Variants in PREX2 observed in about 807,000 individuals in gnomAD.
The protein encoded by PREX2 is phosphatidylinositol 3,4,5-trisphosphate-dependent Rac exchanger 2 protein.
Under a neutral mutation model 203.2 loss-of-function variants are expected in PREX2, and 107 were observed. The observed-to-expected ratio is 0.53, with a 90% confidence interval of 0.45 to 0.62. The LOEUF is 0.62. Ranked by LOEUF, PREX2 falls within the 20% of genes least tolerant of loss-of-function variation. The pLI, the probability that PREX2 is intolerant of heterozygous loss-of-function variation, is 0.00. For missense variants in PREX2, 1,777 were observed against 1,955.9 expected (o/e 0.91, Z 1.72); for synonymous variants, 672 against 663.6 (o/e 1.01, Z -0.19).
intron 23 of PREX2, 83 bp downstream of exon 23, chr8:68,099,926 C>T: frequency 8.0e-7 from 1 of 1,242,252 alleles, no homozygotes. Flanking sequence ...TTGATATTTT[C>T]TTTACATATT....
At chr8:68,075,886 A>G (rs1809334084) in intron 14 of PREX2, among the ~76,000 whole-genome samples, 1 of 152,094 alleles carries the variant, frequency 6.6e-6, no homozygotes, top group Admixed American at 6.5e-5. Flanking sequence ...ATAGACAGGT[A>G]GAATGTGAGT....
At chr8:68,210,841 G>A (rs1243591741) in intron 37 of PREX2, among the ~76,000 whole-genome samples, 1 of 152,158 alleles carries the variant, frequency 6.6e-6, no homozygotes, top group African/African-American at 2.4e-5. Context: ...TTATAGAAAT[G>A]TTGAGTCATC....
intron 33 of PREX2, among the ~76,000 whole-genome samples, chr8:68,145,328 T>G (rs1430012477): frequency 6.6e-6 from 1 of 152,122 alleles, no homozygotes; most frequent in Non-Finnish European, 1.5e-5. Flanking sequence ...CAGAATTAAA[T>G]AGATAGATTT....
intron 37 of PREX2, among the ~76,000 whole-genome samples, chr8:68,210,175 C>T (rs984189200): frequency 6.6e-6 from 1 of 151,882 alleles, no homozygotes; most frequent in Non-Finnish European, 1.5e-5. Context: ...ATGTTTAATC[C>T]CACCCTCGAT....
intron 7 of PREX2, among the ~76,000 whole-genome samples, chr8:68,040,700 G>A (rs1255128388): frequency 6.6e-6 from 1 of 152,032 alleles, no homozygotes; most frequent in Non-Finnish European, 1.5e-5. Context: ...TTCATTATTT[G>A]TTTGTTTACT....
chr8:68,167,452 G>C (rs1409119797), intron 35 of PREX2, among the ~76,000 whole-genome samples: 1 of 151,516 alleles, frequency 6.6e-6, no homozygotes, highest in African/African-American at 2.4e-5. Context: ...TCCTGTCCCA[G>C]CCTCCCCAGT....
chr8:68,130,328 C>A lies in PREX2; in HGVS notation c.3766+2909C>A, dbSNP rs571562767. Among the ~76,000 whole-genome samples, 6 of 151,826 alleles carry A rather than the reference C, an allele frequency of 4.0e-5. No individual in the cohort carries two copies. The South Asian group carries it at 1.0e-3, about 26-fold the overall frequency. On this transcript the variant is annotated intron_variant, in intron 31 of 39. Coordinates refer to ENST00000288368, the MANE Select transcript of PREX2 (RefSeq NM_024870.4). ...AAACGAAACAAAAACACACAAAAAA[C>A]CCAAAAATACCTTTGGTAAAGGATG...
chr8:68,217,392 C>A (rs1812864365), intron 37 of PREX2, among the ~76,000 whole-genome samples: 1 of 152,176 alleles, frequency 6.6e-6, no homozygotes, highest in Admixed American at 6.5e-5. Context: ...ATAAACAGTT[C>A]ATCATGGGAT....
intron 1 of PREX2, among the ~76,000 whole-genome samples, chr8:67,990,394 T>TAA (rs111707841): frequency 6.9e-6 from 1 of 145,166 alleles, no homozygotes; most frequent in Non-Finnish European, 1.5e-5. Flanking sequence ...CATGGGAGAT[T>TAA]AAAAAAAAAA....
At chr8:68,059,569 G>A (rs1257844680) in intron 10 of PREX2, among the ~76,000 whole-genome samples, 1 of 152,164 alleles carries the variant, frequency 6.6e-6, no homozygotes, top group Non-Finnish European at 1.5e-5. Context: ...ATGTCTTTTG[G>A]TGTACAGTAG....
At chr8:68,075,390 A>G (rs1809316815) in intron 14 of PREX2, among the ~76,000 whole-genome samples, 1 of 152,212 alleles carries the variant, frequency 6.6e-6, no homozygotes, top group African/African-American at 2.4e-5. Context: ...GCAGGAAGCA[A>G]TCATGATTTC....
chr8:68,090,323 T>C (rs2129612210), intron 19 of PREX2, among the ~76,000 whole-genome samples: 1 of 152,284 alleles, frequency 6.6e-6, no homozygotes, highest in Middle Eastern at 3.4e-3. Context: ...TGATTAGTAT[T>C]ATAAAGGTCA....
chr8:68,145,124 GA>G (rs1811300534), intron 33 of PREX2, among the ~76,000 whole-genome samples: 1 of 151,544 alleles, frequency 6.6e-6, no homozygotes, highest in Admixed American at 6.6e-5. Context: ...TTAGAAATCA[GA>G]AAAAAAAGAT....
chr8:68,114,917 G>T (rs570562925), intron 25 of PREX2, among the ~76,000 whole-genome samples: 251 of 152,156 alleles, frequency 1.6e-3, no homozygotes, highest in Non-Finnish European at 2.1e-3. Context: ...ATATGAGCCA[G>T]TGAGGACATG....
chr8:68,039,801 AACATCTCTCC>A (rs1432831497), intron 7 of PREX2, among the ~76,000 whole-genome samples: 5 of 152,184 alleles, frequency 3.3e-5, no homozygotes, highest in African/African-American at 1.2e-4. Context: ...AAAACTTACA[AACATCTCTCC>A]ACATCTCTCC....
At chr8:68,177,676 G>C (rs529932968) in intron 35 of PREX2, among the ~76,000 whole-genome samples, 1 of 152,262 alleles carries the variant, frequency 6.6e-6, no homozygotes, top group African/African-American at 2.4e-5. Context: ...AGGATATGCA[G>C]GTTTGTTACA....
chr8:68,026,854 C>G (rs531300248), intron 4 of PREX2, among the ~76,000 whole-genome samples: 1 of 152,046 alleles, frequency 6.6e-6, no homozygotes, highest in Non-Finnish European at 1.5e-5. Flanking sequence ...ACATAATATA[C>G]CTTTCTTTAT....
Position 68,083,358 on chromosome 8 carries a change from T to G in PREX2, c.1997T>G (p.Leu666Arg), listed in dbSNP as rs142318923. The change falls in exon 18 of 40, where the codon CTA becomes CGA. Residue 666 changes from leucine (L) to arginine (R), a missense_variant. Transcript: ENST00000288368. ...LKSCLNSRKP[L>R]RVLVSTKPRE... ...TCGTGTTTAAACAGCAGAAAACCTCTAAGAGTTCTTGTGAGCACAAAGCCA... is the reference window on the plus strand; with the variant it reads ...TCGTGTTTAAACAGCAGAAAACCTCGAAGAGTTCTTGTGAGCACAAAGCCA... 1 of 1,610,878 alleles carries G rather than the reference T, an allele frequency of 6.2e-7. No individual in the cohort carries two copies. The highest frequency in any genetic ancestry group is 1.3e-5 in the African/African-American group (1 of 74,914).
At chr8:68,156,612 G>A (rs1246187796) in intron 34 of PREX2, among the ~76,000 whole-genome samples, 1 of 152,100 alleles carries the variant, frequency 6.6e-6, no homozygotes, top group African/African-American at 2.4e-5. Flanking sequence ...TTTAATAACA[G>A]GTATACCTCA....
Sources: allele counts gnomAD v4.1 joint callset (sites outside exome capture counted in the v4.1 genomes callset), GRCh38; gene constraint gnomAD v4.1.1; transcripts MANE v1.5; gene names NCBI Gene and HGNC (gene_info 2026-07-23, HGNC 2026-07-21).